SMYD3: variants seen among roughly 807,000 people sequenced by gnomAD.
SMYD3 encodes the protein histone-lysine N-methyltransferase SMYD3.
In SMYD3, 36 loss-of-function variants were observed where a neutral mutation model predicts 57.7. That is an observed-to-expected ratio of 0.62 (90% CI 0.48 to 0.82). SMYD3 has a LOEUF of 0.82. Among genes scored for constraint, SMYD3 ranks in the 40% least tolerant of loss-of-function variants. SMYD3 has a pLI of 0.00. For synonymous variants in SMYD3, 211 were observed against 195.0 expected (o/e 1.08, Z -0.68); for missense variants, 515 against 538.8 (o/e 0.96, Z 0.44).
chr1:246,211,041 G>A (rs1043600821), intron 5 of SMYD3, among the ~76,000 whole-genome samples: 5 of 152,110 alleles, frequency 3.3e-5, no homozygotes, highest in African/African-American at 1.2e-4. Context: ...TGAAGATTGA[G>A]ACACTGCTCC....
intron 8 of SMYD3, among the ~76,000 whole-genome samples, chr1:245,896,266 G>C (rs1045538376): frequency 1.3e-5 from 2 of 151,606 alleles, no homozygotes; most frequent in African/African-American, 4.8e-5. Flanking sequence ...TACTCGAAAA[G>C]CAACTGCAGA....
chr1:246,507,004 GCA>G, intron 1 of SMYD3, 48 bp downstream of exon 1: 1 of 915,976 alleles, frequency 1.1e-6, no homozygotes, highest in Non-Finnish European at 1.5e-6. Flanking sequence ...CCCCTCCCCA[GCA>G]CCCCACACAG....
intron 5 of SMYD3, among the ~76,000 whole-genome samples, chr1:246,324,198 C>T (rs1418766483): frequency 3.3e-5 from 5 of 151,870 alleles, no homozygotes; most frequent in African/African-American, 4.8e-5. Flanking sequence ...GCGGATCATC[C>T]GAGGTCAGGA....
At chr1:245,963,831 G>C (rs2058071716) in intron 5 of SMYD3, among the ~76,000 whole-genome samples, 1 of 152,096 alleles carries the variant, frequency 6.6e-6, no homozygotes, top group Non-Finnish European at 1.5e-5. Context: ...TGTCCCACAA[G>C]AAAACAAACA....
chr1:246,488,585 C>T (rs546532029), intron 1 of SMYD3, among the ~76,000 whole-genome samples: 1 of 152,182 alleles, frequency 6.6e-6, no homozygotes, highest in Non-Finnish European at 1.5e-5. Context: ...ACTGGGGAAT[C>T]TGAGGCAGGA....
intron 1 of SMYD3, among the ~76,000 whole-genome samples, chr1:246,374,880 G>T (rs1323279846): frequency 6.6e-6 from 1 of 152,072 alleles, no homozygotes; most frequent in Non-Finnish European, 1.5e-5. Context: ...ATCACCTGAG[G>T]TCAGGAGTTC....
At chr1:245,882,138 G>C (rs1353447721) in intron 8 of SMYD3, among the ~76,000 whole-genome samples, 1 of 152,186 alleles carries the variant, frequency 6.6e-6, no homozygotes, top group Non-Finnish European at 1.5e-5. Context: ...TCTTGCAGTA[G>C]TGTAAACAAC....
At chr1:245,786,408 C>T (rs1419240977) in intron 10 of SMYD3, among the ~76,000 whole-genome samples, 7 of 152,016 alleles carry the variant, frequency 4.6e-5, no homozygotes, top group Non-Finnish European at 1.0e-4. Context: ...ATGTTGCTAA[C>T]GCAATGTAGA....
At chr1:246,093,333 A>T (rs2147897043) in intron 5 of SMYD3, among the ~76,000 whole-genome samples, 1 of 152,354 alleles carries the variant, frequency 6.6e-6, no homozygotes, top group South Asian at 2.1e-4. Flanking sequence ...TTATCACAGC[A>T]CTATTCACAA....
At chr1:246,319,017 T>C (rs1391777134) in intron 5 of SMYD3, among the ~76,000 whole-genome samples, 2 of 152,254 alleles carry the variant, frequency 1.3e-5, no homozygotes, top group Admixed American at 1.3e-4. Context: ...AACAATGAGT[T>C]GTTTTCTTTG....
At chr1:246,478,806 A>G (rs56359709) in intron 1 of SMYD3, among the ~76,000 whole-genome samples, 779 of 11,212 alleles carry the variant, frequency 0.069, 30 homozygotes, top group East Asian at 0.13. Context: ...GAGCTGGTAC[A>G]TAAGTGCTCA....
At chr1:246,115,501 A>C (rs1377656874) in intron 5 of SMYD3, among the ~76,000 whole-genome samples, 1 of 152,198 alleles carries the variant, frequency 6.6e-6, no homozygotes, top group East Asian at 1.9e-4. Flanking sequence ...AAAAAAGCTC[A>C]AGAATAATTT....
chr1:246,141,465 AC>A, intron 5 of SMYD3, among the ~76,000 whole-genome samples: 1 of 104,588 alleles, frequency 9.6e-6, no homozygotes, highest in Admixed American at 9.7e-5. Context: ...TCTTAAGCAC[AC>A]CTTGACAGAT....
chr1:245,927,255 C>G (rs927834735), intron 7 of SMYD3, among the ~76,000 whole-genome samples: 16 of 152,170 alleles, frequency 1.1e-4, no homozygotes, highest in African/African-American at 3.6e-4. Context: ...TGGAGCAGCC[C>G]GTTTGCAGCT....
intron 5 of SMYD3, among the ~76,000 whole-genome samples, chr1:246,129,890 C>CA (rs886322876): frequency 6.6e-6 from 1 of 152,002 alleles, no homozygotes; most frequent in Middle Eastern, 3.2e-3. Context: ...GATCCCACAG[C>CA]AAAAAATACT....
intron 10 of SMYD3, among the ~76,000 whole-genome samples, chr1:245,790,093 G>A (rs533550512): frequency 8.3e-4 from 126 of 152,302 alleles, no homozygotes; most frequent in Admixed American, 2.4e-3. Context: ...AACAAGTCTG[G>A]TGAGTACTGG....
intron 2 of SMYD3, among the ~76,000 whole-genome samples, chr1:246,346,153 G>A (rs1009451443): frequency 3.3e-5 from 5 of 152,044 alleles, no homozygotes; most frequent in Non-Finnish European, 5.9e-5. Flanking sequence ...GCGTGGTGGC[G>A]GGCACCTGTA....
At chr1:246,373,585 G>A (rs2066223594) in intron 1 of SMYD3, among the ~76,000 whole-genome samples, 1 of 151,978 alleles carries the variant, frequency 6.6e-6, no homozygotes, top group Non-Finnish European at 1.5e-5. Context: ...TAATAGTTCT[G>A]GATTTAATAT....
At position 245,955,316 on chromosome 1, in the gene SMYD3, C is replaced by T. The variant is rs187676292; in HGVS notation, c.532-25379G>A. On this transcript the variant is annotated intron_variant, in intron 5 of 11. Transcript: ENST00000490107. The stretch of plus-strand genomic sequence containing the variant: ...TTCACCGCATTAGCCAGGATGGTCT[C>T]GATCTCCTGCCTTGGCGTCCCAGAG... 4.3e-3 allele frequency among the ~76,000 whole-genome samples: 659 copies of T among 152,278 alleles called. 4 individuals carry two copies. The highest frequency in any genetic ancestry group is 7.8e-3 in the Admixed American group (120 of 15,290).
Sources: gnomAD v4.1 joint callset for allele counts (sites outside exome capture counted in the v4.1 genomes callset) on GRCh38, gnomAD v4.1.1 for gene constraint, MANE v1.5 for transcripts, NCBI Gene and HGNC (gene_info 2026-07-23, HGNC 2026-07-21) for gene names.